The following SLCO1A2 variants were observed in gnomAD, a reference collection of about 807,000 sequenced individuals.
The protein encoded by SLCO1A2 is solute carrier organic anion transporter family member 1A2, also known as OATP-1.
Under a neutral mutation model 69.0 loss-of-function variants are expected in SLCO1A2, and 67 were observed. That is an observed-to-expected ratio of 0.97 (90% CI 0.80 to 1.19). SLCO1A2 has a LOEUF of 1.19. Ranked by LOEUF, SLCO1A2 falls within the 50% of genes most tolerant of loss-of-function variation. SLCO1A2 has a pLI of 0.00. For synonymous variants in SLCO1A2, 260 were observed against 265.9 expected (o/e 0.98, Z 0.22); for missense variants, 787 against 793.7 (o/e 0.99, Z 0.10).
At chr12:21,349,228 A>T (rs1237320591) in intron 2 of SLCO1A2, among the ~76,000 whole-genome samples, 4 of 152,118 alleles carry the variant, frequency 2.6e-5, no homozygotes, top group Non-Finnish European at 5.9e-5. Context: ...TTGAGATATA[A>T]AGAGAAGGAT....
upstream of SLCO1A2, among the ~76,000 whole-genome samples, chr12:21,335,205 C>G (rs1457472742): frequency 6.6e-6 from 1 of 151,906 alleles, no homozygotes; most frequent in Non-Finnish European, 1.5e-5. Context: ...AAGGGAAACA[C>G]TTTCTGGGGC....
intron 2 of SLCO1A2, among the ~76,000 whole-genome samples, chr12:21,358,775 C>T (rs1187499664): frequency 6.6e-6 from 1 of 151,948 alleles, no homozygotes; most frequent in East Asian, 1.9e-4. Context: ...TATAAAGATG[C>T]AAACCATTAA....
intron 14 of SLCO1A2, chr12:21,273,998 A>G (rs1694092640): frequency 6.6e-6 from 1 of 152,358 alleles, no homozygotes; most frequent in Non-Finnish European, 1.5e-5. Flanking sequence ...AAGAGAAGGC[A>G]TTAGGAGACA....
intron 12 of SLCO1A2, among the ~76,000 whole-genome samples, chr12:21,285,853 G>A (rs914421984): frequency 4.6e-5 from 7 of 151,994 alleles, no homozygotes; most frequent in South Asian, 4.2e-4. Flanking sequence ...TTGATGGGAC[G>A]TATTTCAAAA....
chr12:21,387,252 G>T (rs1940925694), intron 1 of SLCO1A2, among the ~76,000 whole-genome samples: 1 of 152,208 alleles, frequency 6.6e-6, no homozygotes, highest in Admixed American at 6.5e-5. Flanking sequence ...CAAGCCAGCT[G>T]CAGAAATTTG....
At chr12:21,403,032 G>C (rs1284323415) in intron 1 of SLCO1A2, among the ~76,000 whole-genome samples, 2 of 152,114 alleles carry the variant, frequency 1.3e-5, no homozygotes, top group Non-Finnish European at 2.9e-5. Context: ...CACGGGGCTT[G>C]ATCAGAATTT....
chr12:21,405,187 C>T (rs142245749), intron 1 of SLCO1A2, among the ~76,000 whole-genome samples: 5 of 151,544 alleles, frequency 3.3e-5, no homozygotes, highest in Non-Finnish European at 7.4e-5. Flanking sequence ...TCTGTTCACT[C>T]GGATGATAGT....
chr12:21,302,454 TA>T (rs1948828731), intron 6 of SLCO1A2, among the ~76,000 whole-genome samples: 1 of 152,216 alleles, frequency 6.6e-6, no homozygotes. Context: ...ATTTACTAAG[TA>T]AAAGTCTTTC....
chr12:21,293,912 C>A (rs752239755), intron 11 of SLCO1A2, 33 bp downstream of exon 11: 4 of 1,568,592 alleles, frequency 2.6e-6, no homozygotes, highest in Non-Finnish European at 3.4e-6. Context: ...ACCAATGCAA[C>A]TCAAAAAAGT....
intron 12 of SLCO1A2, among the ~76,000 whole-genome samples, chr12:21,279,846 G>A (rs576155299): frequency 6.6e-6 from 1 of 152,172 alleles, no homozygotes; most frequent in East Asian, 1.9e-4. Flanking sequence ...TCTTAACTAG[G>A]AAGACTAAAA....
chr12:21,323,811 C>A (rs145794825), intron 2 of SLCO1A2, among the ~76,000 whole-genome samples: 3 of 152,154 alleles, frequency 2.0e-5, no homozygotes, highest in Non-Finnish European at 4.4e-5. Flanking sequence ...GTTTAGGCAT[C>A]GTGTACCCAT....
At chr12:21,386,835 A>T (rs12320968) in intron 1 of SLCO1A2, among the ~76,000 whole-genome samples, 1 of 152,002 alleles carries the variant, frequency 6.6e-6, no homozygotes, top group Non-Finnish European at 1.5e-5. Context: ...TGAAGAGAAG[A>T]CAGGAAAATG....
At chr12:21,413,164 TTG>T (rs897932201) in intron 1 of SLCO1A2, among the ~76,000 whole-genome samples, 2 of 152,070 alleles carry the variant, frequency 1.3e-5, no homozygotes, top group African/African-American at 2.4e-5. Flanking sequence ...TGCTATCGTT[TTG>T]TGTTTATGAC....
chr12:21,319,674 G>C, intron 2 of SLCO1A2: 1 of 339,234 alleles, frequency 2.9e-6, no homozygotes, highest in Admixed American at 3.8e-5. Flanking sequence ...TGGACCATTG[G>C]CTTCTGTTTA....
intron 14 of SLCO1A2, among the ~76,000 whole-genome samples, chr12:21,271,793 GTAAA>G (rs983460959): frequency 1.8e-4 from 27 of 147,034 alleles, no homozygotes; most frequent in South Asian, 8.5e-4. Context: ...ATATACATAT[GTAAA>G]TAAATATGTA....
rs1338304123 is a variant in SLCO1A2, at chr12:21,304,441, G to A, written c.575C>T (p.Ser192Phe). 1.9e-6 allele frequency: 3 copies of A among 1,609,140 alleles called. No individual in the cohort carries two copies. Among genetic ancestry groups the A allele is most frequent in the Non-Finnish European group, 8.5e-7 (1 of 1,176,020 alleles). Reference protein sequence around the residue: ...YIEDFAKFENSPLYIGLVETG... With the variant: ...YIEDFAKFENFPLYIGLVETG... ...TCCATACTTACCAATATATAAAGGA[G>A]AATTTTCAAATTTGGCAAAATCTTC... Residue 192 changes from serine to phenylalanine, a missense_variant, in exon 6 of 15, where the codon TCT (serine) becomes TTT (phenylalanine). Physicochemically the swap from Ser to Phe is radical, Grantham distance 155. Coordinates refer to ENST00000683939, the MANE Select transcript of SLCO1A2 (RefSeq NM_001386879.1).
At position 21,297,558 on chromosome 12, in the gene SLCO1A2, A is replaced by G; in HGVS notation, c.921T>C (p.Pro307=). The G allele has an allele frequency of 6.4e-7, 1 of 1,571,086 alleles. No homozygotes were observed. Among genetic ancestry groups the G allele is most frequent in the Middle Eastern group, 1.8e-4 (1 of 5,554 alleles). Reference sequence around the variant, plus strand: ...GATTGCAGGAAAGACTTTTCATGAAAGGTAGAAAATCTGAAATGAAAGAAT... The same window carrying G: ...GATTGCAGGAAAGACTTTTCATGAAGGGTAGAAAATCTGAAATGAAAGAAT... ...EKYGITKDFL[P]FMKSLSCNPI... The change falls in exon 9 of 15, where the codon CCT becomes CCC. Residue 307 remains proline, a synonymous_variant. Coordinates refer to ENST00000683939, the MANE Select transcript of SLCO1A2 (RefSeq NM_001386879.1).
rs114727021 is a variant in SLCO1A2, at chr12:21,408,768, G to A, written c.-312+9114C>T. 8.3e-3 allele frequency among the ~76,000 whole-genome samples: 1,258 copies of A among 151,614 alleles called. 16 individuals carry two copies. The highest frequency in any genetic ancestry group is 0.029 in the African/African-American group (1,199 of 41,326). On this transcript the variant is annotated intron_variant, in intron 1 of 4. Transcript: ENST00000413682. ...TGTGTGTACGTGCTCCCGCACACAC[G>A]CACTTATAGATAAGACAGAGAATAG... is the stretch of plus-strand genomic sequence containing the variant.
intron 2 of SLCO1A2, among the ~76,000 whole-genome samples, chr12:21,358,948 A>G (rs1212528157): frequency 6.6e-6 from 1 of 152,204 alleles, no homozygotes; most frequent in Non-Finnish European, 1.5e-5. Context: ...CAGGCTGAAG[A>G]TATTCACATA....
Sources: allele counts gnomAD v4.1 joint callset (sites outside exome capture counted in the v4.1 genomes callset), GRCh38; gene constraint gnomAD v4.1.1; transcripts MANE v1.5; gene names NCBI Gene and HGNC (gene_info 2026-07-23, HGNC 2026-07-21).